TMEM163: variants seen among roughly 807,000 people sequenced by gnomAD.
TMEM163 encodes the protein transmembrane protein 163.
In TMEM163, 17 loss-of-function variants were observed where a neutral mutation model predicts 29.3. The observed-to-expected ratio is 0.58, with a 90% CI of 0.40 to 0.87. The LOEUF (loss-of-function observed/expected upper bound fraction) is 0.87. Ranked by LOEUF, TMEM163 falls within the 40% of genes least tolerant of loss-of-function variation. The pLI, the probability that TMEM163 is intolerant of heterozygous loss-of-function variation, is 0.00. For synonymous variants in TMEM163, 157 were observed against 160.6 expected (o/e 0.98, Z 0.17); for missense variants, 303 against 381.5 (o/e 0.79, Z 1.71).
intron 4 of TMEM163, among the ~76,000 whole-genome samples, chr2:134,504,672 C>T (rs1371416101): frequency 6.6e-6 from 1 of 152,132 alleles, no homozygotes; most frequent in Non-Finnish European, 1.5e-5. Context: ...AAAGAAGTTG[C>T]CATCCTACAG....
At chr2:134,676,633 C>A (rs796777587) in intron 2 of TMEM163, among the ~76,000 whole-genome samples, 9 of 152,304 alleles carry the variant, frequency 5.9e-5, no homozygotes, top group African/African-American at 2.2e-4. Flanking sequence ...CCAAAACATT[C>A]TTCTTGTCCT....
chr2:134,676,137 C>T (rs910511161), intron 2 of TMEM163, among the ~76,000 whole-genome samples: 10 of 152,154 alleles, frequency 6.6e-5, no homozygotes, highest in African/African-American at 1.4e-4. Context: ...AAAAAGGCCC[C>T]GACTTGCAGC....
At chr2:134,478,580 GT>G (rs940818346) in intron 5 of TMEM163, among the ~76,000 whole-genome samples, 9 of 152,306 alleles carry the variant, frequency 5.9e-5, no homozygotes, top group African/African-American at 2.2e-4. Context: ...AGGTATGTAG[GT>G]TGAAGAAACT....
chr2:134,517,745 G>C (rs1362916538), intron 4 of TMEM163, among the ~76,000 whole-genome samples: 1 of 152,308 alleles, frequency 6.6e-6, no homozygotes, highest in Admixed American at 6.5e-5. Context: ...TCTAGATGGA[G>C]CAATGGGAAT....
At chr2:134,486,444 G>C (rs1308443908) in intron 5 of TMEM163, among the ~76,000 whole-genome samples, 4 of 152,196 alleles carry the variant, frequency 2.6e-5, no homozygotes, top group Admixed American at 1.3e-4. Context: ...TTGCTTGAGA[G>C]AGAAAGCAAG....
At position 134,636,238 on chromosome 2, in the gene TMEM163, A is replaced by G. The variant is rs376842694; in HGVS notation, c.322+76962T>C. Reference sequence around the variant, plus strand: ...CATCACTGGGCTCAGGCTGGCTGGCAAAGACCAGGTACAGGCACCAAATCT... The same window carrying G: ...CATCACTGGGCTCAGGCTGGCTGGCGAAGACCAGGTACAGGCACCAAATCT... On this transcript the variant is annotated intron_variant, in intron 2 of 7. Transcript: ENST00000281924. Among the ~76,000 whole-genome samples, 27 of 152,352 alleles carry G rather than the reference A, an allele frequency of 1.8e-4. No homozygotes were observed. In the South Asian group the frequency reaches 5.6e-3, roughly 32 times the overall value.
At chr2:134,543,290 A>G (rs487404) in intron 4 of TMEM163, among the ~76,000 whole-genome samples, 92,942 of 151,514 alleles carry the variant, frequency 0.61, 29,318 homozygotes, top group East Asian at 0.84. Flanking sequence ...TACTCAAAGC[A>G]GAGGAGCTCC....
chr2:134,519,074 C>T (rs904160325), intron 4 of TMEM163, among the ~76,000 whole-genome samples: 3 of 152,304 alleles, frequency 2.0e-5, no homozygotes. Context: ...AGGACGTTCT[C>T]CTGGACTCAA....
intron 5 of TMEM163, among the ~76,000 whole-genome samples, chr2:134,474,899 G>A (rs763370551): frequency 1.3e-5 from 2 of 152,056 alleles, no homozygotes; most frequent in African/African-American, 4.8e-5. Flanking sequence ...TTATTAAAAC[G>A]TTAGTTCTCC....
intron 2 of TMEM163, among the ~76,000 whole-genome samples, chr2:134,582,512 C>A (rs551616555): frequency 6.6e-5 from 10 of 152,294 alleles, no homozygotes; most frequent in African/African-American, 2.2e-4. Context: ...TGGGTCTCTT[C>A]TCTGGACTCT....
At chr2:134,541,218 T>C (rs1305049555) in intron 4 of TMEM163, among the ~76,000 whole-genome samples, 1 of 152,178 alleles carries the variant, frequency 6.6e-6, no homozygotes, top group East Asian at 1.9e-4. Context: ...GCAACCCATT[T>C]CCCAAAAGAA....
intron 2 of TMEM163, among the ~76,000 whole-genome samples, chr2:134,574,335 AG>A (rs754891483): frequency 6.6e-6 from 1 of 152,222 alleles, no homozygotes; most frequent in Non-Finnish European, 1.5e-5. Flanking sequence ...TGAGCCAGGC[AG>A]GATGCCTGAG....
chr2:134,475,269 T>G (rs975996957), intron 5 of TMEM163, among the ~76,000 whole-genome samples: 7 of 152,160 alleles, frequency 4.6e-5, no homozygotes, highest in Admixed American at 3.9e-4. Context: ...CAGTGGAAAA[T>G]GTAAAGTCTT....
At chr2:134,603,310 G>T (rs1682276218) in intron 2 of TMEM163, among the ~76,000 whole-genome samples, 1 of 152,168 alleles carries the variant, frequency 6.6e-6, no homozygotes, top group African/African-American at 2.4e-5. Flanking sequence ...ATTTTAAAAT[G>T]CAAAGGGATT....
intron 2 of TMEM163, among the ~76,000 whole-genome samples, chr2:134,686,748 T>A (rs1217819159): frequency 6.6e-6 from 1 of 152,218 alleles, no homozygotes; most frequent in South Asian, 2.1e-4. Flanking sequence ...TTTACCCTAC[T>A]TGCAAGGTAA....
chr2:134,686,856 C>A (rs1684361831), intron 2 of TMEM163, among the ~76,000 whole-genome samples: 1 of 152,110 alleles, frequency 6.6e-6, no homozygotes, highest in Non-Finnish European at 1.5e-5. Flanking sequence ...TAGTAGTAGC[C>A]AGAGAATCAG....
chr2:134,533,272 G>C (rs1558936311), intron 4 of TMEM163, among the ~76,000 whole-genome samples: 1 of 152,144 alleles, frequency 6.6e-6, no homozygotes, highest in Non-Finnish European at 1.5e-5. Context: ...TAATGTCCTT[G>C]GTTTTATGTT....
At chr2:134,615,651 C>CT (rs35159964) in intron 2 of TMEM163, among the ~76,000 whole-genome samples, 1,045 of 78,930 alleles carry the variant, frequency 0.013, 11 homozygotes, top group East Asian at 0.019. Flanking sequence ...AAGAGCAGAG[C>CT]TTTTTTTTTT....
chr2:134,596,625 A>C (rs1217118566), intron 2 of TMEM163, among the ~76,000 whole-genome samples: 1 of 152,186 alleles, frequency 6.6e-6, no homozygotes, highest in African/African-American at 2.4e-5. Flanking sequence ...TGAACTTTAG[A>C]GTAGTTTTTT....
Sources: allele counts gnomAD v4.1 joint callset (sites outside exome capture counted in the v4.1 genomes callset), GRCh38; gene constraint gnomAD v4.1.1; transcripts MANE v1.5; gene names NCBI Gene and HGNC (gene_info 2026-07-23, HGNC 2026-07-21).